Variants in NDUFA10 observed in about 807,000 individuals in gnomAD.
NDUFA10 encodes NADH dehydrogenase [ubiquinone] 1 alpha subcomplex subunit 10, mitochondrial.
Under a neutral mutation model 47.8 loss-of-function variants are expected in NDUFA10, and 40 were observed. The observed-to-expected ratio is 0.84, with a 90% CI of 0.65 to 1.09. The LOEUF is 1.09. Among genes scored for constraint, NDUFA10 ranks in the 50% least tolerant of loss-of-function variants. The probability of loss-of-function intolerance (pLI) is 0.00; values close to 1 mark genes in which losing one functional copy is unlikely to be tolerated. For synonymous variants in NDUFA10, 183 were observed against 172.2 expected, an observed-to-expected ratio of 1.06 and a Z score of -0.49; for missense variants, 413 against 451.1, an observed-to-expected ratio of 0.92 and a Z score of 0.76.
chr2:239,995,102 C>T (rs933640116), intron 8 of NDUFA10, among the ~76,000 whole-genome samples: 2 of 152,096 alleles, frequency 1.3e-5, no homozygotes, highest in African/African-American at 2.4e-5. Flanking sequence ...GGCAAAACCC[C>T]ATTCCTACTA....
In NDUFA10 at chr2:239,960,775, G is replaced by A. The variant is rs16842575; in HGVS notation, c.*343C>T. The A allele has an allele frequency of 7.3e-6, 9 of 1,227,694 alleles. No individual in the cohort carries two copies. In the Admixed American group the frequency reaches 1.4e-4, roughly 19 times the overall value. The allele number at this position is 1,227,694 out of a possible 1,614,324, so 76.1% of individuals were successfully genotyped here. A position where few individuals can be genotyped will look rare whatever the true frequency, so the allele number is the denominator to read the frequency against. ...ACACTTTTATTTCTGGAAGTCAGAA[G>A]AAAAACAATGTGCACAACCTGAATG... is the stretch of plus-strand genomic sequence containing the variant. On this transcript the variant is annotated 3_prime_UTR_variant, in exon 10 of 10. Coordinates refer to ENST00000252711, the MANE Select transcript of NDUFA10 (RefSeq NM_004544.4).
At chr2:239,955,389 A>G (rs1694633518), downstream of NDUFA10, among the ~76,000 whole-genome samples, 1 of 152,198 alleles carries the variant, frequency 6.6e-6, no homozygotes, top group Non-Finnish European at 1.5e-5. Context: ...ACCATTAGAC[A>G]GCCGTCCTAT....
At chr2:239,894,068 C>G (rs532430033) in intron 5 of NDUFA10, among the ~76,000 whole-genome samples, 37 of 147,884 alleles carry the variant, frequency 2.5e-4, no homozygotes, top group African/African-American at 8.8e-4. Context: ...CTCATTCCTC[C>G]CTGCCTTCCG....
chr2:240,006,488 T>C (rs1438880889), intron 7 of NDUFA10, among the ~76,000 whole-genome samples: 1 of 152,216 alleles, frequency 6.6e-6, no homozygotes. Flanking sequence ...CAGCCAACTA[T>C]GCAAAGCTTC....
At chr2:239,978,295 C>G (rs923013710) in intron 9 of NDUFA10, among the ~76,000 whole-genome samples, 1 of 152,216 alleles carries the variant, frequency 6.6e-6, no homozygotes, top group African/African-American at 2.4e-5. Flanking sequence ...TCCCACCAGT[C>G]TCCTGACACT....
At chr2:239,976,927 C>G (rs781360632) in intron 9 of NDUFA10, among the ~76,000 whole-genome samples, 29 of 152,284 alleles carry the variant, frequency 1.9e-4, no homozygotes, top group South Asian at 4.1e-4. Context: ...GCAACCCAAA[C>G]AGCAGCTGTG....
At chr2:240,013,633 G>A (rs1697224003) in intron 5 of NDUFA10, 1 of 152,190 alleles carries the variant, frequency 6.6e-6, no homozygotes, top group African/African-American at 2.4e-5. Flanking sequence ...GGCATACATA[G>A]ACATCTCGCT....
intron 9 of NDUFA10, among the ~76,000 whole-genome samples, chr2:239,965,431 T>G (rs995675327): frequency 1.3e-5 from 2 of 152,190 alleles, no homozygotes; most frequent in Non-Finnish European, 2.9e-5. Flanking sequence ...CAAAACCCAG[T>G]GCTCATTCAT....
Position 239,906,803 on chromosome 2 carries a change from G to C in NDUFA10, c.295-11489C>G, listed in dbSNP as rs895812712. Reference sequence around the variant, plus strand: ...AATATTCCATGCTCATGGACAGGAAGAATCAATATTGTGAAAATGGCCATA... The same window carrying C: ...AATATTCCATGCTCATGGACAGGAACAATCAATATTGTGAAAATGGCCATA... On this transcript the variant is annotated intron_variant, in intron 4 of 5. Coordinates refer to the NDUFA10 transcript ENST00000419408. The surrounding 1 kb of genome is among the most constrained non-coding windows in gnomAD (Gnocchi z 4.3). 2.0e-5 allele frequency among the ~76,000 whole-genome samples: 3 copies of C among 152,174 alleles called. No homozygotes were observed.
chr2:239,963,053 G>C (rs868416919), intron 9 of NDUFA10, among the ~76,000 whole-genome samples: 3 of 152,194 alleles, frequency 2.0e-5, no homozygotes, highest in South Asian at 2.1e-4. Context: ...CTAAAGGCGG[G>C]GGGGAGGGTG....
chr2:239,991,672 C>A (rs1345753246), intron 8 of NDUFA10, among the ~76,000 whole-genome samples: 1 of 152,154 alleles, frequency 6.6e-6, no homozygotes, highest in Non-Finnish European at 1.5e-5. Flanking sequence ...CAATAATCTA[C>A]AAGTACGTAT....
intron 9 of NDUFA10, among the ~76,000 whole-genome samples, chr2:239,977,908 C>T (rs538501586): frequency 1.1e-3 from 172 of 152,326 alleles, no homozygotes; most frequent in African/African-American, 4.1e-3. Context: ...CCACACATGG[C>T]CAATCCAACA....
intron 9 of NDUFA10, among the ~76,000 whole-genome samples, chr2:239,986,121 A>G (rs1273137190): frequency 3.9e-5 from 6 of 152,222 alleles, no homozygotes; most frequent in African/African-American, 1.4e-4. Flanking sequence ...AATAAGAAAT[A>G]TCTTCCGAAG....
chr2:239,934,818 C>A (rs1194775382), intron 4 of NDUFA10, among the ~76,000 whole-genome samples: 2 of 152,142 alleles, frequency 1.3e-5, no homozygotes, highest in Non-Finnish European at 2.9e-5. Context: ...ACCGCATGGA[C>A]CAGCCACCTC....
At chr2:239,974,494 G>C (rs1433995174) in intron 9 of NDUFA10, among the ~76,000 whole-genome samples, 1 of 152,256 alleles carries the variant, frequency 6.6e-6, no homozygotes, top group Non-Finnish European at 1.5e-5. Context: ...CATCAAATGA[G>C]AGTGTGGATG....
chr2:240,016,012 C>G lies in NDUFA10; in HGVS notation c.548-1152G>C, dbSNP rs1347547567. 2.6e-5 allele frequency among the ~76,000 whole-genome samples: 4 copies of G among 151,972 alleles called. No homozygotes were observed. The highest frequency in any genetic ancestry group is 9.7e-5 in the African/African-American group (4 of 41,376). On this transcript the variant is annotated intron_variant, in intron 4 of 9. Transcript: ENST00000252711. This position sits in a 1 kb window ranked among gnomAD's most constrained non-coding sequence, Gnocchi z 4.4. ...TGTCTACCAAAAATACAAACATTAG[C>G]CAGTCTCCTAACCTAGTCTCAAAAT...
At chr2:239,980,024 C>T (rs1695707185) in intron 9 of NDUFA10, among the ~76,000 whole-genome samples, 1 of 152,168 alleles carries the variant, frequency 6.6e-6, no homozygotes, top group Non-Finnish European at 1.5e-5. Flanking sequence ...CCCCTACACC[C>T]CCACATCCCT....
In NDUFA10 at chr2:239,900,315, C is replaced by CATATAT. The variant is rs142452963; in HGVS notation, c.295-5007_295-5002dup. On this transcript the variant is annotated intron_variant, in intron 4 of 5. Transcript: ENST00000419408. ...CAATACTCCTTAATGAACTCCCCTT[C>CATATAT]ATATATATATATATATATATATATA... Among the ~76,000 whole-genome samples, 193 of 142,552 alleles carry CATATAT rather than the reference C, an allele frequency of 1.4e-3. 1 individual carries two copies. The highest frequency in any genetic ancestry group is 3.3e-3 in the African/African-American group (124 of 37,858). 93.5% of individuals were successfully genotyped at this position (142,552 alleles called of 152,430 possible).
intron 4 of NDUFA10, among the ~76,000 whole-genome samples, chr2:239,910,821 A>G (rs1393962344): frequency 6.6e-6 from 1 of 151,938 alleles, no homozygotes; most frequent in Non-Finnish European, 1.5e-5. Context: ...GCAATCACTT[A>G]AGCCACCTTG....
Sources: gnomAD v4.1 joint callset for allele counts (sites outside exome capture counted in the v4.1 genomes callset) on GRCh38, gnomAD v4.1.1 for gene constraint, Gnocchi (gnomAD v3.1) non-coding constraint, MANE v1.5 for transcripts, NCBI Gene and HGNC (gene_info 2026-07-23, HGNC 2026-07-21) for gene names.